The following PRKG1 variants were observed in gnomAD, a reference collection of about 807,000 sequenced individuals.
PRKG1 encodes the protein cGMP-dependent protein kinase 1.
Under a neutral mutation model 88.1 loss-of-function variants are expected in PRKG1, and 35 were observed. The observed-to-expected ratio is 0.40, with a 90% CI of 0.30 to 0.53. The LOEUF (loss-of-function observed/expected upper bound fraction) is 0.53. Among genes scored for constraint, PRKG1 ranks in the 20% least tolerant of loss-of-function variants. The pLI, the probability that PRKG1 is intolerant of heterozygous loss-of-function variation, is 0.59. For missense variants in PRKG1, 540 were observed against 839.8 expected (o/e 0.64, Z 4.41); for synonymous variants, 303 against 292.5 (o/e 1.04, Z -0.37).
intron 2 of PRKG1, among the ~76,000 whole-genome samples, chr10:51,416,405 C>T (rs191574311): frequency 6.6e-6 from 1 of 152,204 alleles, no homozygotes; most frequent in Admixed American, 6.5e-5. Flanking sequence ...ATAATGAAAA[C>T]TTCTGGATCT....
intron 7 of PRKG1, among the ~76,000 whole-genome samples, chr10:52,124,438 C>T (rs2132617490): frequency 6.6e-6 from 1 of 152,118 alleles, no homozygotes. Context: ...AAAAATATAC[C>T]ATGAAAGATT....
At chr10:51,813,499 T>C (rs1839508461) in intron 4 of PRKG1, among the ~76,000 whole-genome samples, 4 of 152,200 alleles carry the variant, frequency 2.6e-5, no homozygotes, top group African/African-American at 7.2e-5. Flanking sequence ...TTCAAAATGC[T>C]GCAGATGTAT....
At chr10:51,275,457 A>G (rs1200878553) in intron 2 of PRKG1, among the ~76,000 whole-genome samples, 2 of 152,236 alleles carry the variant, frequency 1.3e-5, no homozygotes, top group East Asian at 3.8e-4. Flanking sequence ...ACATCATTTC[A>G]TAATGTATTT....
intron 3 of PRKG1, among the ~76,000 whole-genome samples, chr10:51,746,952 G>C (rs1469675026): frequency 1.3e-5 from 2 of 152,012 alleles, no homozygotes; most frequent in African/African-American, 4.8e-5. Context: ...CTAAAGGGTG[G>C]CTTTTCTGGC....
At chr10:51,156,220 A>G (rs1218417704) in intron 2 of PRKG1, among the ~76,000 whole-genome samples, 2 of 151,348 alleles carry the variant, frequency 1.3e-5, no homozygotes, top group African/African-American at 2.4e-5. Context: ...CTTAAATACT[A>G]TGATATAAAG....
In PRKG1 at chr10:51,517,920, A is replaced by G. The variant is rs12246420; in HGVS notation, c.592+50084A>G. Among the ~76,000 whole-genome samples the G allele has an allele frequency of 3.4e-3, 513 of 152,248 alleles. 3 individuals carry two copies. The highest frequency in any genetic ancestry group is 0.012 in the African/African-American group (486 of 41,538). ...TCTGATCTATTTCTGTTTCACCTTTATTCTCATGATGCAGCCCTAAGGAAC... is the reference window on the plus strand; with the variant it reads ...TCTGATCTATTTCTGTTTCACCTTTGTTCTCATGATGCAGCCCTAAGGAAC... On this transcript the variant is annotated intron_variant, in intron 3 of 17. Transcript: ENST00000373980.
At chr10:51,624,092 C>A (rs935271767) in intron 3 of PRKG1, among the ~76,000 whole-genome samples, 1 of 152,124 alleles carries the variant, frequency 6.6e-6, no homozygotes, top group African/African-American at 2.4e-5. Context: ...GACTCTCTTA[C>A]TTTTTAAGCC....
chr10:52,131,763 A>C (rs944418042), intron 7 of PRKG1, among the ~76,000 whole-genome samples: 2 of 130,016 alleles, frequency 1.5e-5, no homozygotes, highest in African/African-American at 5.7e-5. Flanking sequence ...CGGAGGTTGC[A>C]GTGAGCCGAG....
rs535615052 is a variant in PRKG1 at position 51,781,978 on chromosome 10, T to TA, written c.593-22597dup. On this transcript the variant is annotated intron_variant, in intron 3 of 17. Transcript: ENST00000373980. ...TTTAGTTCAGTATTGCCTTAGATGTTAAAAAAAAAAGTATCGAAATCTGAA... is the reference window on the plus strand; with the variant it reads ...TTTAGTTCAGTATTGCCTTAGATGTTAAAAAAAAAAAGTATCGAAATCTGAA... Among the ~76,000 whole-genome samples, 52 of 147,846 alleles carry TA rather than the reference T, an allele frequency of 3.5e-4. No individual in the cohort carries two copies. In the South Asian group the frequency reaches 5.8e-3, roughly 17 times the overall value.
intron 3 of PRKG1, among the ~76,000 whole-genome samples, chr10:51,661,107 A>G (rs549224516): frequency 1.3e-5 from 2 of 152,190 alleles, no homozygotes; most frequent in African/African-American, 4.8e-5. Flanking sequence ...ATATATAAAG[A>G]AAAGCCTAGA....
At chr10:51,083,028 G>T (rs1368395667) in intron 1 of PRKG1, among the ~76,000 whole-genome samples, 1 of 152,134 alleles carries the variant, frequency 6.6e-6, no homozygotes, top group Non-Finnish European at 1.5e-5. Flanking sequence ...ATTGTTGATT[G>T]TTACAGACTA....
intron 2 of PRKG1, among the ~76,000 whole-genome samples, chr10:51,196,266 T>G (rs897168041): frequency 6.6e-6 from 1 of 152,176 alleles, no homozygotes; most frequent in Non-Finnish European, 1.5e-5. Context: ...TGTATGTATG[T>G]GTGGGGGAGA....
intron 5 of PRKG1, among the ~76,000 whole-genome samples, chr10:52,046,366 A>G (rs188872301): frequency 2.6e-5 from 4 of 152,194 alleles, no homozygotes; most frequent in African/African-American, 7.2e-5. Context: ...TACACATGGA[A>G]AGCCCTTCCC....
At chr10:51,795,866 A>C (rs913373036) in intron 3 of PRKG1, among the ~76,000 whole-genome samples, 1 of 152,160 alleles carries the variant, frequency 6.6e-6, no homozygotes, top group Non-Finnish European at 1.5e-5. Context: ...AGTATGGATC[A>C]GCAAACATTT....
intron 2 of PRKG1, among the ~76,000 whole-genome samples, chr10:51,185,423 T>A (rs973743448): frequency 6.6e-6 from 1 of 152,114 alleles, no homozygotes; most frequent in African/African-American, 2.4e-5. Flanking sequence ...TGTATTCAAA[T>A]CCATATGAAT....
intron 2 of PRKG1, among the ~76,000 whole-genome samples, chr10:51,235,586 C>G (rs1346681786): frequency 3.3e-5 from 5 of 152,124 alleles, no homozygotes; most frequent in Non-Finnish European, 5.9e-5. Context: ...AAGACCTCTT[C>G]CAAAATCTTA....
chr10:51,697,639 C>A, intron 3 of PRKG1: 4 of 1,541,302 alleles, frequency 2.6e-6, no homozygotes, highest in Non-Finnish European at 3.5e-6. Flanking sequence ...GCTTTTTGCA[C>A]CCATTCTCCA....
Position 52,133,854 on chromosome 10 carries a change from C to G in PRKG1, c.950C>G (p.Thr317Arg), listed in dbSNP as rs746504074. 1.2e-6 allele frequency: 2 copies of G among 1,612,894 alleles called. No homozygotes were observed. Among genetic ancestry groups the G allele is most frequent in the Non-Finnish European group, 1.7e-6 (2 of 1,179,216 alleles). Residue 317 changes from threonine (T) to arginine (R), a missense_variant, in exon 8 of 18, where the codon ACA becomes AGA. Physicochemically the swap from Thr to Arg is moderately conservative, Grantham distance 71. Around this residue, in one of 5 missense-constraint regions of PRKG1, gnomAD observed 400 missense variants for 562.7 expected, o/e 0.71. Coordinates refer to ENST00000373980, the MANE Select transcript of PRKG1 (RefSeq NM_006258.4). Reference sequence around the variant, plus strand: ...TTTTCACATAGGGAAGATGTGAGAACAGCAAACGTAATTGCTGCAGAAGCT... The same window carrying G: ...TTTTCACATAGGGAAGATGTGAGAAGAGCAAACGTAATTGCTGCAGAAGCT... ...EKALQGEDVR[T>R]ANVIAAEAVT...
intron 2 of PRKG1, among the ~76,000 whole-genome samples, chr10:51,454,060 AG>A (rs1184322376): frequency 6.6e-6 from 1 of 152,064 alleles, no homozygotes; most frequent in Non-Finnish European, 1.5e-5. Flanking sequence ...ATCTCTGCAA[AG>A]AAACTTACAA....
Sources: allele counts gnomAD v4.1 joint callset (sites outside exome capture counted in the v4.1 genomes callset), GRCh38; gene constraint gnomAD v4.1.1; regional missense constraint gnomAD v4.1.1; transcripts MANE v1.5; gene names NCBI Gene and HGNC (gene_info 2026-07-23, HGNC 2026-07-21).